RBM44: variants seen among roughly 807,000 people sequenced by gnomAD.
The protein encoded by RBM44 is RNA-binding protein 44.
Under a neutral mutation model 105.1 loss-of-function variants are expected in RBM44, and 66 were observed. That is an observed-to-expected ratio of 0.63 (90% CI 0.52 to 0.77). The LOEUF is 0.77. Among genes scored for constraint, RBM44 ranks in the 30% least tolerant of loss-of-function variants. The pLI is 0.00. For missense variants in RBM44, 1,122 were observed against 1,207.8 expected (o/e 0.93, Z 1.05); for synonymous variants, 365 against 417.6 (o/e 0.87, Z 1.54).
rs2062023160 is a variant in RBM44 at position 237,842,658 on chromosome 2, AG to A, written c.*843del. ...ATATTTAAGTTGCATTTTTATTAAT[AG>A]TAAGATTAACATTTAAGTCTGCATT... On this transcript the variant is annotated 3_prime_UTR_variant, in exon 16 of 16. Transcript: ENST00000316997. The A allele has an allele frequency of 6.6e-6, 1 of 152,114 alleles. No homozygotes were observed. The highest frequency in any genetic ancestry group is 6.5e-5 in the Admixed American group (1 of 15,270). 9.4% of individuals were successfully genotyped at this position (152,114 alleles called of 1,614,324 possible).
chr2:237,826,490 A>T (rs2061849560), intron 10 of RBM44, among the ~76,000 whole-genome samples: 1 of 152,106 alleles, frequency 6.6e-6, no homozygotes, highest in South Asian at 2.1e-4. Context: ...GTGTGCCCTT[A>T]CCGTTATTGC....
intron 15 of RBM44, among the ~76,000 whole-genome samples, chr2:237,836,804 C>T (rs917782570): frequency 4.0e-5 from 6 of 150,722 alleles, no homozygotes; most frequent in Non-Finnish European, 7.4e-5. Flanking sequence ...AAAAATTAAA[C>T]CTTTTGTAGA....
In RBM44 at chr2:237,842,154, T is replaced by G. The variant is rs892136727; in HGVS notation, c.*338T>G. The G allele has an allele frequency of 6.6e-6, 1 of 152,168 alleles. No individual in the cohort carries two copies. Among genetic ancestry groups the G allele is most frequent in the Admixed American group, 6.5e-5 (1 of 15,278 alleles). 9.4% of individuals were successfully genotyped at this position (152,168 alleles called of 1,614,324 possible). ...TCTTGTCCATTTTAAAAACCTTTAT[T>G]AAGTCACTTTTAAAATGTATTGACC... On this transcript the variant is annotated 3_prime_UTR_variant, in exon 16 of 16. Transcript: ENST00000316997.
At chr2:237,815,631 G>C (rs1043717236) in intron 2 of RBM44, among the ~76,000 whole-genome samples, 1 of 151,864 alleles carries the variant, frequency 6.6e-6, no homozygotes, top group Non-Finnish European at 1.5e-5. Context: ...TTGGACATGG[G>C]TAAAATTTTT....
rs780675227 is a variant in RBM44, at chr2:237,834,325, G to T, written c.3080G>T (p.Gly1027Val). Reference sequence around the variant, plus strand: ...CAGGAAGTGAGAATAAGACATAAAGGTTTTCTGAATGGCTTATCTATTACT... The same window carrying T: ...CAGGAAGTGAGAATAAGACATAAAGTTTTTCTGAATGGCTTATCTATTACT... ...ALQEVRIRHK[G>V]FLNGLSITTI... Residue 1027 changes from glycine to valine, a missense_variant, in exon 15 of 16, where the codon GGT (glycine) becomes GTT (valine). By Grantham distance (109) the Gly-to-Val change is moderately radical. Around this residue, in one of 3 missense-constraint regions of RBM44, gnomAD observed 194 missense variants for 225.5 expected, o/e 0.86. Coordinates refer to ENST00000316997, the MANE Select transcript of RBM44 (RefSeq NM_001080504.3). 1.9e-6 allele frequency: 3 copies of T among 1,575,160 alleles called. No homozygotes were observed. The African/African-American group carries it at 4.1e-5, about 21-fold the overall frequency.
chr2:237,816,274 A>T (rs1249747988), intron 2 of RBM44, among the ~76,000 whole-genome samples: 1 of 152,084 alleles, frequency 6.6e-6, no homozygotes, highest in East Asian at 1.9e-4. Context: ...TTGTGTGCTT[A>T]CCTTATGACC....
intron 8 of RBM44, 90 bp from the exon 9 acceptor site, chr2:237,823,350 T>C: frequency 1.6e-6 from 1 of 621,400 alleles, no homozygotes; most frequent in Non-Finnish European, 2.8e-6. Flanking sequence ...CTGTAAAGGC[T>C]GAATAATGCC....
At chr2:237,814,505 CA>C (rs2061692754) in intron 2 of RBM44, among the ~76,000 whole-genome samples, 1 of 151,792 alleles carries the variant, frequency 6.6e-6, no homozygotes, top group South Asian at 2.1e-4. Flanking sequence ...TTATGCAATT[CA>C]AAATGGTCCC....
intron 9 of RBM44, 66 bp from the exon 10 acceptor site, chr2:237,824,225 T>C: frequency 6.5e-7 from 1 of 1,540,702 alleles, no homozygotes; most frequent in South Asian, 1.2e-5. Context: ...TCCATGGTTT[T>C]AAGGTAACTT....
intron 2 of RBM44, among the ~76,000 whole-genome samples, chr2:237,815,929 G>A (rs937107154): frequency 1.3e-5 from 2 of 152,024 alleles, no homozygotes; most frequent in African/African-American, 4.8e-5. Flanking sequence ...CCAGTCACAT[G>A]ACTACCCTTT....
At position 237,834,292 on chromosome 2, in the gene RBM44, A is replaced by G; in HGVS notation, c.3047A>G (p.Asn1016Ser). The change falls in exon 15 of 16, where the codon AAT becomes AGT. Residue 1016 changes from asparagine to serine, a missense_variant. Physicochemically the swap from Asn to Ser is conservative, Grantham distance 46 (BLOSUM62 1). This residue lies in a region of RBM44 where 194 missense variants were observed against 225.5 expected (regional missense o/e 0.86). Transcript: ENST00000316997. ...CTTTTTCATAGAGACCATATTATAA[A>G]TGCACTTCAGGAAGTGAGAATAAGA... ...HPEVSRDHIINALQEVRIRHK... is the reference protein window; with the variant it reads ...HPEVSRDHIISALQEVRIRHK... 1 of 1,579,564 alleles carries G rather than the reference A, an allele frequency of 6.3e-7. No individual in the cohort carries two copies. Among genetic ancestry groups the G allele is most frequent in the Non-Finnish European group, 8.6e-7 (1 of 1,163,220 alleles).
Position 237,821,112 on chromosome 2 carries a change from C to T in RBM44, c.1955C>T (p.Ala652Val). Residue 652 changes from alanine (A) to valine (V), a missense_variant, in exon 6 of 16, where the codon GCA (alanine) becomes GTA (valine). This residue lies in a region of RBM44 where 918 missense variants were observed against 955.3 expected (regional missense o/e 0.96). Transcript: ENST00000316997. ...SNSAKKELGSALLSLLGDLKV... is the reference protein window; with the variant it reads ...SNSAKKELGSVLLSLLGDLKV... ...TCTGCTAAGAAGGAATTGGGATCAG[C>T]ACTACTGTCTCTTTTGGGGGACTTA... is the stretch of plus-strand genomic sequence containing the variant. The T allele has an allele frequency of 1.2e-6, 2 of 1,605,166 alleles. No individual in the cohort carries two copies. Among genetic ancestry groups the T allele is most frequent in the Non-Finnish European group, 1.7e-6 (2 of 1,177,548 alleles).
intron 13 of RBM44, 121 bp downstream of exon 13, chr2:237,829,623 T>G: frequency 1.1e-6 from 1 of 913,206 alleles, no homozygotes; most frequent in Non-Finnish European, 1.6e-6. Context: ...TTAATCTGAA[T>G]TGTTTTCAAC....
chr2:237,824,863 A>G (rs1046396130), intron 10 of RBM44, among the ~76,000 whole-genome samples: 1 of 152,116 alleles, frequency 6.6e-6, no homozygotes, highest in African/African-American at 2.4e-5. Flanking sequence ...GATAGTCCTT[A>G]ATTGCTTAGA....
intron 13 of RBM44, among the ~76,000 whole-genome samples, chr2:237,833,529 T>A (rs1259218640): frequency 1.3e-5 from 2 of 152,230 alleles, no homozygotes; most frequent in African/African-American, 4.8e-5. Context: ...ATATAGTAAA[T>A]ACAATGTAAA....
chr2:237,836,959 T>C (rs2061966211), intron 15 of RBM44, among the ~76,000 whole-genome samples: 1 of 152,016 alleles, frequency 6.6e-6, no homozygotes, highest in Admixed American at 6.6e-5. Flanking sequence ...ATCCCTGGAC[T>C]CAAGCAGTCC....
chr2:237,817,529 G>T lies in RBM44; in HGVS notation c.610G>T (p.Asp204Tyr). Residue 204 changes from aspartate (D) to tyrosine (Y), a missense_variant, in exon 3 of 16, where the codon GAC (aspartate) becomes TAC (tyrosine). Asp to Tyr is a radical substitution (Grantham distance 160, BLOSUM62 -3). Around this residue, in one of 3 missense-constraint regions of RBM44, gnomAD observed 918 missense variants for 955.3 expected, o/e 0.96. Coordinates refer to ENST00000316997, the MANE Select transcript of RBM44 (RefSeq NM_001080504.3). ...ATACATAAGTAACCATTTATCTTTT[G>T]ACCAAACAAAAGCATTAGATATATC... is the stretch of plus-strand genomic sequence containing the variant. Reference protein sequence around the residue: ...QEYISNHLSFDQTKALDISNP... With the variant: ...QEYISNHLSFYQTKALDISNP... 1.2e-6 allele frequency: 2 copies of T among 1,609,854 alleles called. No individual in the cohort carries two copies. Among genetic ancestry groups the T allele is most frequent in the South Asian group, 2.2e-5 (2 of 90,582 alleles).
chr2:237,821,227 A>G lies in RBM44; in HGVS notation c.2070A>G (p.Leu690=), dbSNP rs2061784793. 1 of 1,605,278 alleles carries G rather than the reference A, an allele frequency of 6.2e-7. No individual in the cohort carries two copies. Among genetic ancestry groups the G allele is most frequent in the Non-Finnish European group, 8.5e-7 (1 of 1,175,578 alleles). The change falls in exon 6 of 16, where the codon TTA becomes TTG. Residue 690 remains leucine, a synonymous_variant. Coordinates refer to ENST00000316997, the MANE Select transcript of RBM44 (RefSeq NM_001080504.3). ...LPPLSLESKL[L]STFSTFASRL... ...CACTGTCACTAGAATCAAAATTATT[A>G]TCTACCTTCTCTACTTTTGCTTCCA...
chr2:237,808,668 A>G (rs2061624098), intron 1 of RBM44, among the ~76,000 whole-genome samples: 1 of 152,150 alleles, frequency 6.6e-6, no homozygotes, highest in Non-Finnish European at 1.5e-5. Context: ...AAGGTAGGAG[A>G]TGTGACAGAT....
Sources: gnomAD v4.1 joint callset for allele counts (sites outside exome capture counted in the v4.1 genomes callset) on GRCh38, gnomAD v4.1.1 for gene constraint, gnomAD v4.1.1 regional missense constraint, MANE v1.5 for transcripts, NCBI Gene and HGNC (gene_info 2026-07-23, HGNC 2026-07-21) for gene names.